Variants in HINT3 observed in about 807,000 individuals in gnomAD.
HINT3 encodes histidine triad nucleotide binding protein 3.
A neutral mutation model predicts 19.1 loss-of-function variants in HINT3; 16 were observed. That is an observed-to-expected ratio of 0.84 (90% CI 0.57 to 1.27). HINT3 has a LOEUF of 1.27. Ranked by LOEUF, HINT3 falls within the 50% of genes most tolerant of loss-of-function variation. The probability of loss-of-function intolerance (pLI) is 0.00; values close to 1 mark genes in which losing one functional copy is unlikely to be tolerated. For synonymous variants in HINT3, 75 were observed against 84.8 expected, an observed-to-expected ratio of 0.88 and a Z score of 0.63; for missense variants, 197 against 225.8, an observed-to-expected ratio of 0.87 and a Z score of 0.82.
Position 125,969,636 on chromosome 6 carries a change from A to C in HINT3, c.320-2623A>C, listed in dbSNP as rs187787102. 2.0e-5 allele frequency among the ~76,000 whole-genome samples: 3 copies of C among 152,034 alleles called. No individual in the cohort carries two copies. In the East Asian group the frequency reaches 5.8e-4, roughly 29 times the overall value. On this transcript the variant is annotated intron_variant, in intron 2 of 4. Transcript: ENST00000229633. ...GTCCACGAGCATAGAATGTTTTTTCATTTGTTTGTATCATCTATGATTTCT... is the reference window on the plus strand; with the variant it reads ...GTCCACGAGCATAGAATGTTTTTTCCTTTGTTTGTATCATCTATGATTTCT...
intron 1 of HINT3, among the ~76,000 whole-genome samples, chr6:125,962,318 T>TAC (rs1562212433): frequency 3.4e-5 from 1 of 29,242 alleles, no homozygotes; most frequent in Non-Finnish European, 1.0e-4. Flanking sequence ...CACACATATA[T>TAC]ATATATATAT....
intron 4 of HINT3, among the ~76,000 whole-genome samples, chr6:125,975,479 C>T (rs1789167121): frequency 6.6e-6 from 1 of 152,026 alleles, no homozygotes; most frequent in Non-Finnish European, 1.5e-5. Context: ...ATTGTATCAT[C>T]AACATCATTG....
chr6:125,972,795 G>T (rs189203534), intron 3 of HINT3, among the ~76,000 whole-genome samples: 1 of 152,168 alleles, frequency 6.6e-6, no homozygotes, highest in Non-Finnish European at 1.5e-5. Flanking sequence ...TCCCTATGTT[G>T]CCCAGGCTTG....
Position 125,962,275 on chromosome 6 carries a change from CAT to C in HINT3, c.202-4602_202-4601del, listed in dbSNP as rs1284297582. ...ACACACATATATATATATATACATA[CAT>C]ATATATATACACATATATATATATA... is the stretch of plus-strand genomic sequence containing the variant. On this transcript the variant is annotated intron_variant, in intron 1 of 4. Coordinates refer to ENST00000229633, the MANE Select transcript of HINT3 (RefSeq NM_138571.5). Among the ~76,000 whole-genome samples the C allele has an allele frequency of 7.3e-4, 7 of 9,588 alleles. 1 individual carries two copies. Among genetic ancestry groups the C allele is most frequent in the African/African-American group, 1.1e-3 (2 of 1,900 alleles). 6.3% of individuals were successfully genotyped at this position (9,588 alleles called of 152,430 possible). A position where few individuals can be genotyped will look rare whatever the true frequency, so the allele number is the denominator to read the frequency against.
In HINT3 at chr6:125,956,871, G is replaced by C. The variant is rs935408976; in HGVS notation, c.-107G>C. On this transcript the variant is annotated 5_prime_UTR_variant, in exon 1 of 5. Transcript: ENST00000229633. The stretch of plus-strand genomic sequence containing the variant: ...CCTGGATCACCGCCCAGCGTCAGGC[G>C]AGGGGCGACGTCTCGAGGTAAAACG... The C allele has an allele frequency of 6.1e-6, 7 of 1,147,568 alleles. No homozygotes were observed. The highest frequency in any genetic ancestry group is 8.6e-6 in the Non-Finnish European group (7 of 816,316). The allele number at this position is 1,147,568 out of a possible 1,614,324, so 71.1% of individuals were successfully genotyped here. A position where few individuals can be genotyped will look rare whatever the true frequency, so the allele number is the denominator to read the frequency against.
intron 2 of HINT3, among the ~76,000 whole-genome samples, chr6:125,970,633 A>G (rs932018041): frequency 3.3e-5 from 5 of 152,194 alleles, no homozygotes; most frequent in Admixed American, 6.5e-5. Context: ...TGAGGAAATA[A>G]TAAGCATATG....
At chr6:125,962,238 A>AGTGTG (rs1788945874) in intron 1 of HINT3, among the ~76,000 whole-genome samples, 2 of 30,528 alleles carry the variant, frequency 6.6e-5, no homozygotes, top group Non-Finnish European at 9.8e-5. Context: ...ATATATACAC[A>AGTGTG]TATATATATA....
At chr6:125,963,400 C>A (rs1278131365) in intron 1 of HINT3, among the ~76,000 whole-genome samples, 2 of 152,168 alleles carry the variant, frequency 1.3e-5, no homozygotes, top group African/African-American at 4.8e-5. Flanking sequence ...TAAATTCCCT[C>A]TGGGATTTTT....
intron 2 of HINT3, among the ~76,000 whole-genome samples, chr6:125,967,718 T>C (rs968049000): frequency 6.6e-6 from 1 of 152,206 alleles, no homozygotes; most frequent in African/African-American, 2.4e-5. Context: ...AGTTACGATA[T>C]GACAAATGAG....
intron 3 of HINT3, among the ~76,000 whole-genome samples, chr6:125,974,365 TAATC>T (rs146259984): frequency 5.9e-5 from 9 of 152,302 alleles, no homozygotes; most frequent in Non-Finnish European, 1.2e-4. Flanking sequence ...ATGACATAAT[TAATC>T]TCACTACTGA....
chr6:125,964,951 A>G (rs951988084), intron 1 of HINT3, among the ~76,000 whole-genome samples: 3 of 152,196 alleles, frequency 2.0e-5, no homozygotes, highest in Admixed American at 6.5e-5. Flanking sequence ...GGTGTAGGCT[A>G]ACTAAAACAT....
In HINT3 at chr6:125,980,216, T is replaced by G. The variant is rs1789231044; in HGVS notation, c.*2540T>G. The G allele has an allele frequency of 6.6e-6, 1 of 152,066 alleles. No homozygotes were observed. The highest frequency in any genetic ancestry group is 1.5e-5 in the Non-Finnish European group (1 of 67,992). 9.4% of individuals were successfully genotyped at this position (152,066 alleles called of 1,614,324 possible). A position where few individuals can be genotyped will look rare whatever the true frequency, so the allele number is the denominator to read the frequency against. On this transcript the variant is annotated 3_prime_UTR_variant, in exon 5 of 5. Coordinates refer to ENST00000229633, the MANE Select transcript of HINT3 (RefSeq NM_138571.5). ...GCTATTTCAAACTGCTAGAAGAAAA[T>G]GAAATAAAAATGGAAAAATACTGTC...
At chr6:125,975,145 G>A (rs528150632) in intron 4 of HINT3, among the ~76,000 whole-genome samples, 172 bp downstream of exon 4, 70 of 152,306 alleles carry the variant, frequency 4.6e-4, no homozygotes, top group African/African-American at 1.5e-3. Flanking sequence ...GGATTTTGAA[G>A]ATCATCAGTC....
At chr6:125,971,840 G>C (rs1468896680) in intron 2 of HINT3, among the ~76,000 whole-genome samples, 1 of 149,846 alleles carries the variant, frequency 6.7e-6, no homozygotes, top group Non-Finnish European at 1.5e-5. Flanking sequence ...CTCCCGAGTA[G>C]CTGGGACTAC....
At chr6:125,961,313 T>C (rs1193260631) in intron 1 of HINT3, among the ~76,000 whole-genome samples, 1 of 152,158 alleles carries the variant, frequency 6.6e-6, no homozygotes, top group Non-Finnish European at 1.5e-5. Flanking sequence ...ATGGAGGTTT[T>C]CCCCCACACA....
intron 2 of HINT3, among the ~76,000 whole-genome samples, chr6:125,968,745 T>A (rs1789053715): frequency 6.6e-6 from 1 of 152,206 alleles, no homozygotes; most frequent in African/African-American, 2.4e-5. Context: ...TGGGTTTGAT[T>A]TGCATTTCCT....
rs1384068697 is a variant in HINT3, at chr6:125,962,261, TATATATATACATAC to T, written c.202-4616_202-4603del. ...ACATATATATATATACACACATATA[TATATATATACATAC>T]ATATATATATACACATATATATATA... is the stretch of plus-strand genomic sequence containing the variant. On this transcript the variant is annotated intron_variant, in intron 1 of 4. Coordinates refer to ENST00000229633, the MANE Select transcript of HINT3 (RefSeq NM_138571.5). Among the ~76,000 whole-genome samples, 181 of 30,604 alleles carry T rather than the reference TATATATATACATAC, an allele frequency of 5.9e-3. 14 individuals are homozygous for T. The highest frequency in any genetic ancestry group is 7.6e-3 in the Non-Finnish European group (149 of 19,522). 20.1% of individuals were successfully genotyped at this position (30,604 alleles called of 152,430 possible).
chr6:125,963,561 G>T (rs1420062057), intron 1 of HINT3, among the ~76,000 whole-genome samples: 4 of 152,202 alleles, frequency 2.6e-5, no homozygotes, highest in Non-Finnish European at 5.9e-5. Flanking sequence ...TGGTGATAAT[G>T]AAGTCAGGAT....
Position 125,962,195 on chromosome 6 carries a change from T to C in HINT3, c.202-4692T>C, listed in dbSNP as rs1413181116. ...ATATATATATATATATACACATATA[T>C]ATATATATATATATACACATATATA... On this transcript the variant is annotated intron_variant, in intron 1 of 4. Transcript: ENST00000229633. Among the ~76,000 whole-genome samples the C allele has an allele frequency of 6.2e-5, 3 of 48,380 alleles. 1 individual carries two copies. The highest frequency in any genetic ancestry group is 3.4e-4 in the African/African-American group (2 of 5,928). The allele number at this position is 48,380 out of a possible 152,430, so 31.7% of individuals were successfully genotyped here. A position where few individuals can be genotyped will look rare whatever the true frequency, so the allele number is the denominator to read the frequency against.
Sources: gnomAD v4.1 joint callset for allele counts (sites outside exome capture counted in the v4.1 genomes callset) on GRCh38, gnomAD v4.1.1 for gene constraint, MANE v1.5 for transcripts, NCBI Gene and HGNC (gene_info 2026-07-23, HGNC 2026-07-21) for gene names.